Variants in RYR3 observed in about 807,000 individuals in gnomAD.
The protein encoded by RYR3 is ryanodine receptor 3.
RYR3 carries 207 observed loss-of-function variants against 584.3 expected under a neutral mutation model. The observed-to-expected ratio is 0.35, with a 90% CI of 0.32 to 0.40. The LOEUF (loss-of-function observed/expected upper bound fraction) is 0.40. Among genes scored for constraint, RYR3 ranks in the 10% least tolerant of loss-of-function variants. The pLI, the probability that RYR3 is intolerant of heterozygous loss-of-function variation, is 1.00. For missense variants in RYR3, 5,616 were observed against 6,089.2 expected (o/e 0.92, Z 2.59); for synonymous variants, 2,416 against 2,248.5 (o/e 1.07, Z -2.11).
chr15:33,635,932 C>A (rs1595912797), intron 26 of RYR3, 113 bp downstream of exon 26: 6 of 853,290 alleles, frequency 7.0e-6, no homozygotes, highest in East Asian at 5.3e-5. Flanking sequence ...GTGACCACCA[C>A]CACTGGCTAA....
At chr15:33,419,487 T>C (rs911424721) in intron 1 of RYR3, among the ~76,000 whole-genome samples, 17 of 152,150 alleles carry the variant, frequency 1.1e-4, no homozygotes, top group African/African-American at 3.9e-4. Context: ...CTCCTGTCCT[T>C]CCTTCCTTCC....
At chr15:33,569,822 G>T (rs2057924998) in intron 12 of RYR3, among the ~76,000 whole-genome samples, 1 of 151,372 alleles carries the variant, frequency 6.6e-6, no homozygotes, top group Non-Finnish European at 1.5e-5. Flanking sequence ...GGTGGTTTCA[G>T]TTTGAATTTC....
rs1399877701 is a variant in RYR3, at chr15:33,652,844, C to T, written c.4269C>T (p.Ser1423=). The stretch of plus-strand genomic sequence containing the variant: ...TGGATCTGGCCATGGGCATGTTGTC[C>T]TTCTCAGCCAATGGAAAGGAACTGG... ...CLVDLAMGML[S]FSANGKELGT... The change falls in exon 32 of 104, where the codon TCC becomes TCT. Residue 1423 remains serine (S), a synonymous_variant. Coordinates refer to ENST00000634891, the MANE Select transcript of RYR3 (RefSeq NM_001036.6). 1 of 1,613,218 alleles carries T rather than the reference C, an allele frequency of 6.2e-7. No individual in the cohort carries two copies. The highest frequency in any genetic ancestry group is 1.7e-5 in the Admixed American group (1 of 59,838).
chr15:33,643,124 T>A (rs778836416), intron 27 of RYR3, among the ~76,000 whole-genome samples: 2 of 152,168 alleles, frequency 1.3e-5, no homozygotes, highest in Admixed American at 6.5e-5. Context: ...TAGATGTAAA[T>A]GCTCCCAAAA....
intron 2 of RYR3, among the ~76,000 whole-genome samples, chr15:33,480,054 A>G (rs1045047340): frequency 6.6e-6 from 1 of 152,192 alleles, no homozygotes; most frequent in African/African-American, 2.4e-5. Context: ...AGAGGTACCC[A>G]GACATGGTAA....
chr15:33,711,103 A>G (rs888210775), intron 43 of RYR3, among the ~76,000 whole-genome samples: 3 of 152,148 alleles, frequency 2.0e-5, no homozygotes, highest in Non-Finnish European at 4.4e-5. Flanking sequence ...TCTCTGCCAC[A>G]TGGCAAGGCT....
At chr15:33,519,023 A>G (rs1342536422) in intron 3 of RYR3, among the ~76,000 whole-genome samples, 2 of 152,224 alleles carry the variant, frequency 1.3e-5, no homozygotes, top group African/African-American at 4.8e-5. Flanking sequence ...GTAGTAAGGG[A>G]AGCAATAGTG....
chr15:33,340,150 A>G (rs1971649803), intron 1 of RYR3, among the ~76,000 whole-genome samples: 1 of 152,188 alleles, frequency 6.6e-6, no homozygotes, highest in Non-Finnish European at 1.5e-5. Context: ...GCTTCTTCCA[A>G]CTTAGTGGCT....
intron 1 of RYR3, among the ~76,000 whole-genome samples, chr15:33,330,811 G>C (rs950334614): frequency 2.6e-5 from 4 of 152,154 alleles, no homozygotes; most frequent in Admixed American, 2.6e-4. Context: ...TAGATAGAGT[G>C]TATAGCATTA....
At chr15:33,524,695 A>G (rs2054266503) in intron 3 of RYR3, among the ~76,000 whole-genome samples, 1 of 152,152 alleles carries the variant, frequency 6.6e-6, no homozygotes, top group Admixed American at 6.5e-5. Context: ...CACTTTTGCA[A>G]ATTTTGCAGA....
intron 50 of RYR3, among the ~76,000 whole-genome samples, chr15:33,739,493 T>C (rs922836016): frequency 6.8e-6 from 1 of 148,138 alleles, no homozygotes; most frequent in Non-Finnish European, 1.5e-5. Flanking sequence ...GTGACCATCC[T>C]TAGCAGACAA....
At chr15:33,845,094 A>C in intron 93 of RYR3, 32 bp downstream of exon 93, 54 of 1,601,480 alleles carry the variant, frequency 3.4e-5, no homozygotes, top group East Asian at 4.5e-5. Flanking sequence ...ATCTAATCTC[A>C]CTCCTTGAGG....
At chr15:33,561,642 G>A (rs982453377) in intron 10 of RYR3, among the ~76,000 whole-genome samples, 10 of 151,562 alleles carry the variant, frequency 6.6e-5, no homozygotes, top group Admixed American at 2.6e-4. Flanking sequence ...TGTGGGGGTC[G>A]AGGTGGGTGG....
intron 38 of RYR3, among the ~76,000 whole-genome samples, chr15:33,680,880 A>G (rs966689678): frequency 3.3e-5 from 5 of 151,910 alleles, no homozygotes; most frequent in Non-Finnish European, 7.3e-5. Flanking sequence ...AAATGTTGAC[A>G]TGCAGCCGGT....
In RYR3 at chr15:33,828,597, A is replaced by G. The variant is rs559046494; in HGVS notation, c.11334+1310A>G. On this transcript the variant is annotated intron_variant, in intron 85 of 103. Transcript: ENST00000634891. ...GTCTGGATAAAAGGTCAAACCAGCC[A>G]CAACATTCTCATAAGCCACAATCTA... Among the ~76,000 whole-genome samples, 6 of 152,344 alleles carry G rather than the reference A, an allele frequency of 3.9e-5. No individual in the cohort carries two copies. The East Asian group carries it at 1.2e-3, about 29-fold the overall frequency.
At chr15:33,324,614 T>G (rs188427500) in intron 1 of RYR3, among the ~76,000 whole-genome samples, 305 of 152,322 alleles carry the variant, frequency 2.0e-3, no homozygotes, top group Admixed American at 5.9e-3. Context: ...TTGCAAGCGT[T>G]CAGGGGCCAG....
rs768484592 is a variant in RYR3, at chr15:33,838,809, A to G, written c.12829A>G (p.Ile4277Val). Residue 4277 changes from isoleucine (I) to valine (V), a missense_variant, in exon 89 of 104, where the codon ATC becomes GTC. By Grantham distance (29) the Ile-to-Val change is conservative. Transcript: ENST00000634891. ...AAAGGGGGAGAAGGGAGATACAGAT[A>G]TCATGTCAGACCTCTTTGGACTCCA... ...FIKGEKGDTD[I>V]MSDLFGLHPK... 2 of 1,613,950 alleles carry G rather than the reference A, an allele frequency of 1.2e-6. No homozygotes were observed. The highest frequency in any genetic ancestry group is 2.2e-5 in the South Asian group (2 of 91,060).
chr15:33,695,499 G>A (rs901897899), intron 38 of RYR3, among the ~76,000 whole-genome samples: 3 of 151,858 alleles, frequency 2.0e-5, no homozygotes, highest in Admixed American at 1.3e-4. Context: ...TTCTCTTGAT[G>A]CTTATGAGAG....
chr15:33,647,416 T>G lies in RYR3; in HGVS notation c.3942-8T>G. 10 of 1,605,586 alleles carry G rather than the reference T, an allele frequency of 6.2e-6. No homozygotes were observed. The highest frequency in any genetic ancestry group is 8.5e-6 in the Non-Finnish European group (10 of 1,172,542). On this transcript the variant is annotated splice_polypyrimidine_tract_variant and splice_region_variant and intron_variant, in intron 29 of 103. Coordinates refer to ENST00000634891, the MANE Select transcript of RYR3 (RefSeq NM_001036.6). ...GAATAACTAAAACATGGATTATCTT[T>G]CCCCCAGGAAACAGATGCAAGAAAT...
Sources: gnomAD v4.1 joint callset for allele counts (sites outside exome capture counted in the v4.1 genomes callset) on GRCh38, gnomAD v4.1.1 for gene constraint, MANE v1.5 for transcripts, NCBI Gene and HGNC (gene_info 2026-07-23, HGNC 2026-07-21) for gene names.